MPRIP: variants seen among roughly 807,000 people sequenced by gnomAD.
The protein encoded by MPRIP is myosin phosphatase Rho interacting protein, also known as myosin phosphatase Rho-interacting protein.
MPRIP carries 59 observed loss-of-function variants against 234.9 expected under a neutral mutation model. That is an observed-to-expected ratio of 0.25 (90% CI 0.20 to 0.31). The LOEUF is 0.31. Among genes scored for constraint, MPRIP ranks in the 10% least tolerant of loss-of-function variants. The pLI, the probability that MPRIP is intolerant of heterozygous loss-of-function variation, is 1.00. For missense variants in MPRIP, 2,436 were observed against 3,071.0 expected (o/e 0.79, Z 4.89); for synonymous variants, 1,144 against 1,263.9 (o/e 0.91, Z 2.01).
At chr17:17,054,240 C>T (rs1239938762) in intron 1 of MPRIP, among the ~76,000 whole-genome samples, 1 of 152,148 alleles carries the variant, frequency 6.6e-6, no homozygotes. Context: ...GAATAAATGT[C>T]TGCAAAGTGA....
chr17:17,106,197 A>T (rs1054260258), intron 3 of MPRIP, among the ~76,000 whole-genome samples: 20 of 152,242 alleles, frequency 1.3e-4, no homozygotes, highest in African/African-American at 4.6e-4. Context: ...GCCGGCGTCC[A>T]ACACAGCAGA....
Position 17,172,730 on chromosome 17 carries a change from G to A in MPRIP, c.6505G>A (p.Glu2169Lys), listed in dbSNP as rs2046168981. Residue 2169 changes from glutamate (E) to lysine (K), a missense_variant, in exon 18 of 24, where the codon GAA becomes AAA. Glu to Lys is a moderately conservative substitution (Grantham distance 56, BLOSUM62 1). This residue lies in a region of MPRIP where 1,998 missense variants were observed against 2,520.3 expected (regional missense o/e 0.79). Transcript: ENST00000651222. ...IEAMKNAHRE[E>K]MERELEKSQR... is the part of the protein sequence containing the mutation. Reference sequence around the variant, plus strand: ...AGCCATGAAGAACGCCCACCGGGAGGAAATGGAGCGGGAGCTGGAGAAGAG... The same window carrying A: ...AGCCATGAAGAACGCCCACCGGGAGAAAATGGAGCGGGAGCTGGAGAAGAG... The A allele has an allele frequency of 6.2e-7, 1 of 1,611,846 alleles. No homozygotes were observed. Among genetic ancestry groups the A allele is most frequent in the African/African-American group, 1.3e-5 (1 of 74,902 alleles).
chr17:17,164,375 G>A lies in MPRIP; in HGVS notation c.2784G>A (p.Lys928=), dbSNP rs2045936247. The A allele has an allele frequency of 7.7e-7, 1 of 1,295,620 alleles. No individual in the cohort carries two copies. The highest frequency in any genetic ancestry group is 1.0e-6 in the Non-Finnish European group (1 of 987,334). 80.3% of individuals were successfully genotyped at this position (1,295,620 alleles called of 1,614,324 possible). ...TGGCCAAGCTCAAGGGCGACCTGAAGCGGGAGCAGGGCCGGGTCCGCGAGC... is the reference window on the plus strand; with the variant it reads ...TGGCCAAGCTCAAGGGCGACCTGAAACGGGAGCAGGGCCGGGTCCGCGAGC... ...QALAKLKGDL[K]REQGRVREQL... is the part of the protein sequence containing the mutation. Residue 928 remains lysine (K), a synonymous_variant, in exon 16 of 24, where the codon AAG becomes AAA. Coordinates refer to ENST00000651222, the MANE Select transcript of MPRIP (RefSeq NM_001364716.4).
chr17:17,126,459 C>T (rs1034074810), intron 3 of MPRIP, among the ~76,000 whole-genome samples: 1 of 152,198 alleles, frequency 6.6e-6, no homozygotes, highest in African/African-American at 2.4e-5. Flanking sequence ...ATATCCCCTC[C>T]AGTGCAAGTG....
intron 1 of MPRIP, among the ~76,000 whole-genome samples, chr17:17,068,977 C>T (rs893084308): frequency 2.6e-5 from 4 of 152,114 alleles, no homozygotes; most frequent in Non-Finnish European, 5.9e-5. Context: ...ATCATAGTTA[C>T]GTTAGTTCCC....
intron 3 of MPRIP, among the ~76,000 whole-genome samples, chr17:17,101,299 C>A (rs2089954552): frequency 6.6e-6 from 1 of 152,230 alleles, no homozygotes; most frequent in African/African-American, 2.4e-5. Context: ...GGCCTGGTGG[C>A]CCACACCTGT....
chr17:17,126,845 C>T lies in MPRIP; in HGVS notation c.411C>T (p.Ile137=), dbSNP rs780460868. 8 of 1,613,372 alleles carry T rather than the reference C, an allele frequency of 5.0e-6. No individual in the cohort carries two copies. In the South Asian group the frequency reaches 5.5e-5, roughly 11 times the overall value. Residue 137 remains isoleucine (I), a synonymous_variant, in exon 4 of 24, where the codon ATC becomes ATT. Transcript: ENST00000651222. ...TCATCCGGGCGGAGACCAAGGAGATCGTCAGTGGGTGAGTATGCTGGCACT... is the reference window on the plus strand; with the variant it reads ...TCATCCGGGCGGAGACCAAGGAGATTGTCAGTGGGTGAGTATGCTGGCACT... ...EHFIRAETKE[I]VSGWLEMLMV...
At chr17:17,156,128 A>G (rs957160264) in intron 13 of MPRIP, among the ~76,000 whole-genome samples, 1 of 152,188 alleles carries the variant, frequency 6.6e-6, no homozygotes, top group Non-Finnish European at 1.5e-5. Context: ...GGTGCTGTAG[A>G]TTGGCAATCC....
Position 17,188,731 on chromosome 17 carries a change from TC to T in MPRIP, c.*3839del, listed in dbSNP as rs1265592828. 6.6e-6 allele frequency: 1 copy of T among 152,292 alleles called. No individual in the cohort carries two copies. The highest frequency in any genetic ancestry group is 1.5e-5 in the Non-Finnish European group (1 of 68,090). 9.4% of individuals were successfully genotyped at this position (152,292 alleles called of 1,614,324 possible). A position where few individuals can be genotyped will look rare whatever the true frequency, so the allele number is the denominator to read the frequency against. On this transcript the variant is annotated 3_prime_UTR_variant, in exon 24 of 24. Transcript: ENST00000651222. ...AACTGAACACAATCCTGATCATCAC[TC>T]CTGCCTGGCTGTCTCCTGGGAGGCT...
rs924363669 is a variant in MPRIP at position 17,171,721 on chromosome 17, A to G, written c.6328A>G (p.Thr2110Ala). 1 of 1,612,060 alleles carries G rather than the reference A, an allele frequency of 6.2e-7. No individual in the cohort carries two copies. Among genetic ancestry groups the G allele is most frequent in the African/African-American group, 1.3e-5 (1 of 74,854 alleles). ...YQRDLESLKATCERGFAAMEE... is the reference protein window; with the variant it reads ...YQRDLESLKAACERGFAAMEE... ...AAGTCCCTTTTGCATTTTGCAGGCC[A>G]CGTGCGAGCGAGGGTTTGCAGCAAT... Residue 2110 changes from threonine (T) to alanine (A), a missense_variant, in exon 17 of 24, where the codon ACG becomes GCG. Physicochemically the swap from Thr to Ala is moderately conservative, Grantham distance 58. Transcript: ENST00000651222.
At chr17:17,067,783 CTT>C (rs2089079303) in intron 1 of MPRIP, among the ~76,000 whole-genome samples, 9 of 79,054 alleles carry the variant, frequency 1.1e-4, no homozygotes, top group African/African-American at 2.7e-4. Flanking sequence ...TCTTCTTCTT[CTT>C]CTTCCTTTTT....
intron 15 of MPRIP, among the ~76,000 whole-genome samples, chr17:17,162,948 C>G (rs1209431688): frequency 6.6e-6 from 1 of 152,196 alleles, no homozygotes; most frequent in Non-Finnish European, 1.5e-5. Flanking sequence ...AGGAACCTAC[C>G]TCTGTCTAAC....
At chr17:17,140,680 A>G (rs1222432404) in intron 7 of MPRIP, among the ~76,000 whole-genome samples, 1 of 152,218 alleles carries the variant, frequency 6.6e-6, no homozygotes, top group Non-Finnish European at 1.5e-5. Context: ...AGGCAAGCCT[A>G]TCTGAACCTG....
chr17:17,130,165 C>T (rs2090567808), intron 4 of MPRIP, among the ~76,000 whole-genome samples: 1 of 152,190 alleles, frequency 6.6e-6, no homozygotes, highest in Non-Finnish European at 1.5e-5. Context: ...AATCGAGCAT[C>T]ACTGGCTGTG....
rs1358297588 is a variant in MPRIP, at chr17:17,166,439, C to G, written c.4848C>G (p.Ala1616=). ...ESAGAPVDTW[A]RKVLVDGEFW... ...CTGGGGCCCCCGTAGACACCTGGGC[C>G]AGGAAGGTCCTAGTGGATGGTGAGT... Residue 1616 remains alanine, a synonymous_variant, in exon 16 of 24, where the codon GCC becomes GCG. Transcript: ENST00000651222. This position sits in a 1 kb window ranked among gnomAD's most constrained non-coding sequence, Gnocchi z 4.4. 7.7e-7 allele frequency: 1 copy of G among 1,304,340 alleles called. No individual in the cohort carries two copies. The highest frequency in any genetic ancestry group is 1.0e-6 in the Non-Finnish European group (1 of 988,968). The allele number at this position is 1,304,340 out of a possible 1,614,324, so 80.8% of individuals were successfully genotyped here. A position where few individuals can be genotyped will look rare whatever the true frequency, so the allele number is the denominator to read the frequency against.
In MPRIP at chr17:17,166,274, G is replaced by A. The variant is rs1259273410; in HGVS notation, c.4683G>A (p.Gln1561=). ...CSQSELTEQE[Q]VRLLSDQIAL... is the part of the protein sequence containing the mutation. ...AGTCTGAGTTGACAGAGCAGGAGCA[G>A]GTGAGGCTTCTTTCTGACCAGATTG... The change falls in exon 16 of 24, where the codon CAG becomes CAA. Residue 1561 remains glutamine (Q), a synonymous_variant. Transcript: ENST00000651222. This position sits in a 1 kb window ranked among gnomAD's most constrained non-coding sequence, Gnocchi z 4.4. 1 of 1,304,318 alleles carries A rather than the reference G, an allele frequency of 7.7e-7. No homozygotes were observed. 80.8% of individuals were successfully genotyped at this position (1,304,318 alleles called of 1,614,324 possible).
intron 5 of MPRIP, among the ~76,000 whole-genome samples, chr17:17,133,723 C>A (rs2090641732): frequency 6.6e-6 from 1 of 152,110 alleles, no homozygotes; most frequent in Admixed American, 6.5e-5. Context: ...GATCGCACTG[C>A]GGGAGCAGCA....
intron 1 of MPRIP, among the ~76,000 whole-genome samples, chr17:17,045,955 G>A (rs549490810): frequency 4.6e-5 from 7 of 151,956 alleles, no homozygotes; most frequent in African/African-American, 1.2e-4. Context: ...ACAGGCACCC[G>A]CCACCATGCC....
chr17:17,167,853 G>A lies in MPRIP; in HGVS notation c.6262G>A (p.Asp2088Asn), dbSNP rs1336877271. 1 of 1,304,274 alleles carries A rather than the reference G, an allele frequency of 7.7e-7. No individual in the cohort carries two copies. Among genetic ancestry groups the A allele is most frequent in the Admixed American group, 2.3e-5 (1 of 43,584 alleles). 80.8% of individuals were successfully genotyped at this position (1,304,274 alleles called of 1,614,324 possible). ...CATGCGGGAGGAGCTGGGACACAAGGACCTGGAGGGCGACGCGGCCACACT... is the reference window on the plus strand; with the variant it reads ...CATGCGGGAGGAGCTGGGACACAAGAACCTGGAGGGCGACGCGGCCACACT... ...DVMREELGHK[D>N]LEGDAATLRE... Residue 2088 changes from aspartate to asparagine, a missense_variant, in exon 16 of 24, where the codon GAC becomes AAC. Asp to Asn is a conservative substitution (Grantham distance 23). Around this residue, in one of 4 missense-constraint regions of MPRIP, gnomAD observed 1,998 missense variants for 2,520.3 expected, o/e 0.79. Coordinates refer to ENST00000651222, the MANE Select transcript of MPRIP (RefSeq NM_001364716.4). This position sits in a 1 kb window ranked among gnomAD's most constrained non-coding sequence, Gnocchi z 5.9.
Sources: allele counts gnomAD v4.1 joint callset (sites outside exome capture counted in the v4.1 genomes callset), GRCh38; gene constraint gnomAD v4.1.1; regional missense constraint gnomAD v4.1.1; non-coding constraint Gnocchi (gnomAD v3.1); transcripts MANE v1.5; gene names NCBI Gene and HGNC (gene_info 2026-07-23, HGNC 2026-07-21).